Variants in PPP6R2 observed in about 807,000 individuals in gnomAD.
The protein encoded by PPP6R2 is serine/threonine-protein phosphatase 6 regulatory subunit 2.
Under a neutral mutation model 100.2 loss-of-function variants are expected in PPP6R2, and 62 were observed. The ratio of observed to expected loss-of-function variants is 0.62; its 90% CI spans 0.50 to 0.76. The LOEUF (loss-of-function observed/expected upper bound fraction) is 0.76. PPP6R2 is among the 30% of genes least tolerant of loss of function. The pLI is 0.00. For missense variants in PPP6R2, 1,142 were observed against 1,276.3 expected (o/e 0.89, Z 1.60); for synonymous variants, 525 against 514.7 (o/e 1.02, Z -0.27).
intron 2 of PPP6R2, among the ~76,000 whole-genome samples, chr22:50,374,236 TG>T (rs1227331385): frequency 6.6e-6 from 1 of 152,046 alleles, no homozygotes; most frequent in Non-Finnish European, 1.5e-5. Flanking sequence ...ATGACCCAGC[TG>T]GGCGGATGGA....
intron 1 of PPP6R2, among the ~76,000 whole-genome samples, chr22:50,358,126 A>T (rs1168705529): frequency 6.6e-6 from 1 of 151,322 alleles, no homozygotes; most frequent in Non-Finnish European, 1.5e-5. Context: ...TAAAAAAAAA[A>T]AAATTCTTGG....
chr22:50,389,419 A>G (rs147294771), intron 2 of PPP6R2, among the ~76,000 whole-genome samples: 96 of 152,324 alleles, frequency 6.3e-4, no homozygotes, highest in African/African-American at 2.3e-3. Flanking sequence ...ACTTGGAAAA[A>G]AGAAGTATGT....
At chr22:50,409,715 C>T (rs554270662) in intron 4 of PPP6R2, among the ~76,000 whole-genome samples, 9 of 151,908 alleles carry the variant, frequency 5.9e-5, no homozygotes, top group East Asian at 2.0e-4. Flanking sequence ...CGTAAGCCAC[C>T]GCGCCCGGCC....
chr22:50,396,781 G>T (rs191019031), intron 3 of PPP6R2, among the ~76,000 whole-genome samples: 1 of 152,176 alleles, frequency 6.6e-6, no homozygotes, highest in South Asian at 2.1e-4. Context: ...GTGGTCAGGC[G>T]TCCTCTTAGG....
chr22:50,397,688 AG>A (rs756253371), intron 3 of PPP6R2, among the ~76,000 whole-genome samples: 23 of 25,164 alleles, frequency 9.1e-4, no homozygotes, highest in East Asian at 8.8e-3. Flanking sequence ...GGATGGGGGC[AG>A]GGGGGCCTGT....
At chr22:50,365,721 C>A (rs1299089244) in intron 1 of PPP6R2, among the ~76,000 whole-genome samples, 2 of 140,002 alleles carry the variant, frequency 1.4e-5, no homozygotes, top group Non-Finnish European at 3.0e-5. Flanking sequence ...CTTATCAATT[C>A]TTTATTTATT....
intron 2 of PPP6R2, among the ~76,000 whole-genome samples, chr22:50,388,102 C>T (rs956830734): frequency 2.6e-5 from 4 of 151,864 alleles, no homozygotes; most frequent in Admixed American, 2.0e-4. Flanking sequence ...GCAGGTGGCT[C>T]GCTTGAGCCC....
At chr22:50,341,055 C>T (rs1366924375), upstream of PPP6R2, among the ~76,000 whole-genome samples, 2 of 152,094 alleles carry the variant, frequency 1.3e-5, no homozygotes, top group African/African-American at 4.8e-5. Flanking sequence ...GGACTGCAGG[C>T]GCCCGCCACC....
intron 1 of PPP6R2, among the ~76,000 whole-genome samples, chr22:50,358,347 C>T (rs1284076368): frequency 1.3e-5 from 2 of 152,080 alleles, no homozygotes; most frequent in Non-Finnish European, 2.9e-5. Context: ...TAAAAATTTA[C>T]CAATTTTTTC....
At chr22:50,440,621 G>A (rs985582239) in intron 21 of PPP6R2, among the ~76,000 whole-genome samples, 6 of 152,234 alleles carry the variant, frequency 3.9e-5, no homozygotes, top group African/African-American at 9.6e-5. Flanking sequence ...CATGGGGGAG[G>A]CAACAGGGTT....
intron 1 of PPP6R2, among the ~76,000 whole-genome samples, chr22:50,346,277 C>A (rs1353237604): frequency 1.6e-5 from 1 of 61,932 alleles, no homozygotes; most frequent in Non-Finnish European, 3.3e-5. Context: ...CAGTTCCCCC[C>A]AGTCAGTGCC....
Position 50,437,840 on chromosome 22 carries a change from C to T in PPP6R2, c.1782-3C>T. ...GCTGAAGCCATCCCCCTTGCTCTTG[C>T]AGTGCCCCGTTTGACAGGATCGCAG... On this transcript the variant is annotated splice_polypyrimidine_tract_variant and splice_region_variant and intron_variant, in intron 16 of 23. Transcript: ENST00000612753. The T allele has an allele frequency of 1.9e-6, 3 of 1,552,526 alleles. No homozygotes were observed. Among genetic ancestry groups the T allele is most frequent in the Non-Finnish European group, 2.6e-6 (3 of 1,147,584 alleles).
At chr22:50,443,548 A>T in intron 22 of PPP6R2, 1 of 351,436 alleles carries the variant, frequency 2.8e-6, no homozygotes, top group East Asian at 5.0e-5. Context: ...GTGAGGCTGA[A>T]GTTGAGATCA....
At chr22:50,373,553 ATTCTTTATTTTTT>A (rs1457848439) in intron 2 of PPP6R2, among the ~76,000 whole-genome samples, 3 of 144,496 alleles carry the variant, frequency 2.1e-5, no homozygotes, top group African/African-American at 7.7e-5. Flanking sequence ...TAATTTCTTT[ATTCTTTATTTTTT>A]TTCAAGACAA....
intron 1 of PPP6R2, among the ~76,000 whole-genome samples, chr22:50,368,000 G>C (rs1357174737): frequency 2.6e-5 from 4 of 152,306 alleles, no homozygotes; most frequent in African/African-American, 9.6e-5. Flanking sequence ...CACTGGACAG[G>C]GGGCCGGCCC....
intron 3 of PPP6R2, among the ~76,000 whole-genome samples, chr22:50,396,227 T>C (rs1489160376): frequency 7.6e-6 from 1 of 131,546 alleles, no homozygotes; most frequent in African/African-American, 2.9e-5. Context: ...CCGGGTGTGG[T>C]GGCTCACACC....
chr22:50,381,322 TCACAC>T (rs2052925933), intron 2 of PPP6R2, among the ~76,000 whole-genome samples: 2 of 57,926 alleles, frequency 3.5e-5, no homozygotes, highest in African/African-American at 1.6e-4. Context: ...CACCTCAGCA[TCACAC>T]GGGCCTCACC....
At chr22:50,334,316 G>A in the PPP6R2 span, among the ~76,000 whole-genome samples, 10 of 152,236 alleles carry the variant, frequency 6.6e-5, no homozygotes, top group African/African-American at 9.6e-5. Flanking sequence ...GGCCCTGTCC[G>A]GGCGTGACAG....
rs1222682834 is a variant in PPP6R2 at position 50,436,972 on chromosome 22, C to T, written c.1603-16C>T. 5 of 1,551,642 alleles carry T rather than the reference C, an allele frequency of 3.2e-6. No homozygotes were observed. The South Asian group carries it at 5.9e-5, about 18-fold the overall frequency. On this transcript the variant is annotated splice_polypyrimidine_tract_variant and intron_variant, in intron 14 of 23. Coordinates refer to ENST00000612753, the MANE Select transcript of PPP6R2 (RefSeq NM_001242898.2). ...GGGCTGGCTCACACGCCCACCCCAT[C>T]TGGCCTGTGTTTTAGGTGAGCACTC...
Sources: allele counts gnomAD v4.1 joint callset (sites outside exome capture counted in the v4.1 genomes callset), GRCh38; gene constraint gnomAD v4.1.1; transcripts MANE v1.5; gene names NCBI Gene and HGNC (gene_info 2026-07-23, HGNC 2026-07-21).